The following RASAL1 variants were observed in gnomAD, a reference collection of about 807,000 sequenced individuals.
The protein encoded by RASAL1 is RAS protein activator like 1.
A neutral mutation model predicts 96.6 loss-of-function variants in RASAL1; 72 were observed. The observed-to-expected ratio is 0.75, with a 90% CI of 0.62 to 0.91. The LOEUF (loss-of-function observed/expected upper bound fraction) is 0.91. Ranked by LOEUF, RASAL1 falls within the 40% of genes least tolerant of loss-of-function variation. The probability of loss-of-function intolerance (pLI) is 0.00; values close to 1 mark genes in which losing one functional copy is unlikely to be tolerated. For missense variants in RASAL1, 1,016 were observed against 1,072.5 expected (o/e 0.95, Z 0.74); for synonymous variants, 405 against 430.4 (o/e 0.94, Z 0.73).
Position 113,104,303 on chromosome 12 carries a change from G to A in RASAL1, c.1831-5C>T. 2 of 1,557,800 alleles carry A rather than the reference G, an allele frequency of 1.3e-6. No homozygotes were observed. Among genetic ancestry groups the A allele is most frequent in the Non-Finnish European group, 1.7e-6 (2 of 1,149,880 alleles). On this transcript the variant is annotated splice_polypyrimidine_tract_variant and splice_region_variant and intron_variant, in intron 16 of 20. Coordinates refer to ENST00000548055, the MANE Select transcript of RASAL1 (RefSeq NM_001301202.2). ...CACGGGGATGGAGTGACACATCTGG[G>A]GAAGAGGATTGTCGCTGCAGGATGG...
chr12:113,102,125 C>T, intron 18 of RASAL1, 116 bp from the exon 19 acceptor site: 1 of 1,309,188 alleles, frequency 7.6e-7, no homozygotes, highest in South Asian at 1.4e-5. Context: ...CTCAAACCTA[C>T]TACTTCTAGG....
chr12:113,108,802 G>A (rs1592901092), intron 13 of RASAL1, among the ~76,000 whole-genome samples: 1 of 151,702 alleles, frequency 6.6e-6, no homozygotes, highest in East Asian at 1.9e-4. Context: ...GTTGGACTTA[G>A]GCAGGATTTG....
At chr12:113,122,283 A>G (rs1430246293) in intron 4 of RASAL1, among the ~76,000 whole-genome samples, 1 of 152,118 alleles carries the variant, frequency 6.6e-6, no homozygotes, top group East Asian at 1.9e-4. Context: ...TCTCCCCTCA[A>G]AAAAATCTTG....
rs1336354879 is a variant in RASAL1 at position 113,128,094 on chromosome 12, G to A, written c.207C>T (p.Ala69=). Residue 69 remains alanine, a synonymous_variant, in exon 3 of 21, where the codon GCC becomes GCT. Transcript: ENST00000548055. ...VHLPLDFHQL[A]FYVLDEDTVG... Reference sequence around the variant, plus strand: ...CAGTGTCCTCATCCAGCACGTAGAAGGCCAGCTGGTGGAAATCCAGAGGCA... The same window carrying A: ...CAGTGTCCTCATCCAGCACGTAGAAAGCCAGCTGGTGGAAATCCAGAGGCA... 1 of 1,613,960 alleles carries A rather than the reference G, an allele frequency of 6.2e-7. No homozygotes were observed. Among genetic ancestry groups the A allele is most frequent in the African/African-American group, 1.3e-5 (1 of 75,008 alleles).
In RASAL1 at chr12:113,099,911, G is replaced by A; in HGVS notation, c.*18C>T. On this transcript the variant is annotated 3_prime_UTR_variant, in exon 21 of 21. Coordinates refer to ENST00000548055, the MANE Select transcript of RASAL1 (RefSeq NM_001301202.2). The stretch of plus-strand genomic sequence containing the variant: ...CCCTGGCTCTTGCTCCTCCTTCCGG[G>A]CTAGCTCTGGCATTTCCTTAGGGGC... The A allele has an allele frequency of 6.2e-7, 1 of 1,603,102 alleles. No homozygotes were observed. Among genetic ancestry groups the A allele is most frequent in the Non-Finnish European group, 8.5e-7 (1 of 1,173,478 alleles).
rs1205552256 is a variant in RASAL1 at position 113,130,151 on chromosome 12, C to T, written c.122+734G>A. Reference sequence around the variant, plus strand: ...GGCCTCAGCCACCCACCAGCCCACCCACCCCCATCAGGCCTCCAGGGGCTG... The same window carrying T: ...GGCCTCAGCCACCCACCAGCCCACCTACCCCCATCAGGCCTCCAGGGGCTG... On this transcript the variant is annotated intron_variant, in intron 2 of 20. Transcript: ENST00000548055. This position sits in a 1 kb window ranked among gnomAD's most constrained non-coding sequence, Gnocchi z 5.1. Among the ~76,000 whole-genome samples the T allele has an allele frequency of 6.6e-6, 1 of 152,184 alleles. No homozygotes were observed. The highest frequency in any genetic ancestry group is 2.4e-5 in the African/African-American group (1 of 41,444).
chr12:113,128,271 C>G lies in RASAL1; in HGVS notation c.123-93G>C, dbSNP rs552355412. 1.5e-5 allele frequency: 11 copies of G among 747,690 alleles called. No individual in the cohort carries two copies. The African/African-American group carries it at 1.6e-4, about 11-fold the overall frequency. The allele number at this position is 747,690 out of a possible 1,614,324, so 46.3% of individuals were successfully genotyped here. A position where few individuals can be genotyped will look rare whatever the true frequency, so the allele number is the denominator to read the frequency against. ...ACACACACACACACACACACACACA[C>G]ACACACACACGGGAATCCAGACACA... is the stretch of plus-strand genomic sequence containing the variant. On this transcript the variant is annotated intron_variant, in intron 2 of 20. Coordinates refer to ENST00000548055, the MANE Select transcript of RASAL1 (RefSeq NM_001301202.2).
chr12:113,122,731 C>T (rs1053858304), intron 4 of RASAL1, among the ~76,000 whole-genome samples: 1 of 152,206 alleles, frequency 6.6e-6, no homozygotes, highest in Admixed American at 6.5e-5. Context: ...AGAGATTGCA[C>T]TGCTTCTATT....
chr12:113,109,038 TGTGTG>T (rs1566043768), intron 13 of RASAL1, among the ~76,000 whole-genome samples: 7 of 52,708 alleles, frequency 1.3e-4, no homozygotes, highest in African/African-American at 3.9e-4. Context: ...GGTTTTTTTG[TGTGTG>T]TTTTTTTTTT....
Position 113,104,258 on chromosome 12 carries a change from T to C in RASAL1, c.1871A>G (p.Glu624Gly). 2 of 1,592,590 alleles carry C rather than the reference T, an allele frequency of 1.3e-6. No individual in the cohort carries two copies. Among genetic ancestry groups the C allele is most frequent in the African/African-American group, 1.3e-5 (1 of 74,726 alleles). Residue 624 changes from glutamate to glycine, a missense_variant, in exon 17 of 21, where the codon GAG becomes GGG. Physicochemically the swap from Glu to Gly is moderately conservative, Grantham distance 98. Transcript: ENST00000548055. Reference sequence around the variant, plus strand: ...TTGGAAGGCGCCCTCGTCTACGCGCTCCACGGCGCGGATGTGAGACACGGG... The same window carrying C: ...TTGGAAGGCGCCCTCGTCTACGCGCCCCACGGCGCGGATGTGAGACACGGG... ...SIPVSHIRAV[E>G]RVDEGAFQLP...
chr12:113,124,090 T>C (rs35259724), intron 4 of RASAL1, among the ~76,000 whole-genome samples: 17,927 of 152,066 alleles, frequency 0.12, 1,334 homozygotes, highest in Middle Eastern at 0.22. Context: ...TGGTGGTGCA[T>C]GCCTGCAATC....
At position 113,099,779 on chromosome 12, in the gene RASAL1, C is replaced by T. The variant is rs563048264; in HGVS notation, c.*150G>A. 4.2e-5 allele frequency: 49 copies of T among 1,169,972 alleles called. No individual in the cohort carries two copies. In the South Asian group the frequency reaches 7.9e-4, roughly 19 times the overall value. 72.5% of individuals were successfully genotyped at this position (1,169,972 alleles called of 1,614,324 possible). ...GGGCTTCCATGCCCTGAGTTCTGGACTCAAGGCACACAGGACTAGGCACGT... is the reference window on the plus strand; with the variant it reads ...GGGCTTCCATGCCCTGAGTTCTGGATTCAAGGCACACAGGACTAGGCACGT... On this transcript the variant is annotated 3_prime_UTR_variant, in exon 21 of 21. Transcript: ENST00000548055.
chr12:113,122,885 A>G (rs2136219635), intron 4 of RASAL1, among the ~76,000 whole-genome samples: 1 of 152,336 alleles, frequency 6.6e-6, no homozygotes, highest in South Asian at 2.1e-4. Context: ...AATTAAATAA[A>G]TGTTAAACCT....
intron 7 of RASAL1, among the ~76,000 whole-genome samples, chr12:113,118,596 C>T (rs1951173260): frequency 6.6e-6 from 1 of 152,166 alleles, no homozygotes; most frequent in Admixed American, 6.5e-5. Flanking sequence ...TCTCCAAAGA[C>T]AGGGAAACCA....
At chr12:113,127,022 T>C (rs987591764) in intron 4 of RASAL1, among the ~76,000 whole-genome samples, 1 of 136,510 alleles carries the variant, frequency 7.3e-6, no homozygotes, top group Admixed American at 7.1e-5. Context: ...TATTTATATA[T>C]ACAGTATATA....
chr12:113,102,908 G>T, intron 18 of RASAL1: 1 of 163,804 alleles, frequency 6.1e-6, no homozygotes, highest in South Asian at 1.3e-4. Flanking sequence ...CTAGGCCTTT[G>T]CTCATGACAC....
chr12:113,133,945 G>C (rs1951813056), intron 1 of RASAL1, among the ~76,000 whole-genome samples: 1 of 152,228 alleles, frequency 6.6e-6, no homozygotes, highest in African/African-American at 2.4e-5. Context: ...CCAGGTGCAG[G>C]GGTGACACCC....
At chr12:113,131,456 C>T (rs1414168921) in intron 1 of RASAL1, among the ~76,000 whole-genome samples, 5 of 152,150 alleles carry the variant, frequency 3.3e-5, no homozygotes, top group African/African-American at 1.2e-4. Flanking sequence ...GGCTTTAATG[C>T]TGTGTCCCCA....
At position 113,105,827 on chromosome 12, in the gene RASAL1, G is replaced by C; in HGVS notation, c.1717C>G (p.Leu573Val). 6.2e-7 allele frequency: 1 copy of C among 1,614,174 alleles called. No homozygotes were observed. Residue 573 changes from leucine (L) to valine (V), a missense_variant, in exon 16 of 21, where the codon CTG becomes GTG. Physicochemically the swap from Leu to Val is conservative, Grantham distance 32 (BLOSUM62 1). Transcript: ENST00000548055. The stretch of plus-strand genomic sequence containing the variant: ...GCAGGCTCCTCCTTGCGCTTCAGCA[G>C]ATAGCCTTCTCGAACAATGGCCGAG... Reference protein sequence around the residue: ...PPSAIVREGYLLKRKEEPAGL... With the variant: ...PPSAIVREGYVLKRKEEPAGL...
Sources: allele counts gnomAD v4.1 joint callset (sites outside exome capture counted in the v4.1 genomes callset), GRCh38; gene constraint gnomAD v4.1.1; non-coding constraint Gnocchi (gnomAD v3.1); transcripts MANE v1.5; gene names NCBI Gene and HGNC (gene_info 2026-07-23, HGNC 2026-07-21).